GRB10: variants seen among roughly 807,000 people sequenced by gnomAD.
The protein encoded by GRB10 is growth factor receptor-bound protein 10.
A neutral mutation model predicts 80.9 loss-of-function variants in GRB10; 20 were observed. The observed-to-expected ratio is 0.25, with a 90% CI of 0.17 to 0.36. GRB10 has a LOEUF of 0.36. Among genes scored for constraint, GRB10 ranks in the 10% least tolerant of loss-of-function variants. The pLI is 1.00. For synonymous variants in GRB10, 291 were observed against 291.5 expected, an observed-to-expected ratio of 1.00 and a Z score of 0.02; for missense variants, 548 against 747.7, an observed-to-expected ratio of 0.73 and a Z score of 3.12.
intron 5 of GRB10, among the ~76,000 whole-genome samples, chr7:50,678,520 G>T (rs973223205): frequency 1.4e-4 from 21 of 149,594 alleles, no homozygotes; most frequent in African/African-American, 4.8e-4. Context: ...GGGTTCATTA[G>T]CATTTTATCT....
At chr7:50,595,126 A>T (rs1278548332) in intron 18 of GRB10, among the ~76,000 whole-genome samples, 2 of 151,898 alleles carry the variant, frequency 1.3e-5, no homozygotes, top group Non-Finnish European at 2.9e-5. Flanking sequence ...GTGGGCCCTC[A>T]GCTAATTCTC....
At chr7:50,626,737 C>T in intron 8 of GRB10, 85 bp downstream of exon 8, 1 of 1,499,096 alleles carries the variant, frequency 6.7e-7, no homozygotes, top group Non-Finnish European at 9.3e-7. Context: ...ACTGCGGTCA[C>T]ACATTTGGCA....
At chr7:50,705,196 T>C in intron 4 of GRB10, 2 of 985,702 alleles carry the variant, frequency 2.0e-6, no homozygotes, top group Non-Finnish European at 1.2e-6. Context: ...CCACTCACAA[T>C]GGGGGGAAGC....
intron 5 of GRB10, among the ~76,000 whole-genome samples, chr7:50,685,642 G>C (rs2062027299): frequency 1.3e-5 from 2 of 152,168 alleles, no homozygotes; most frequent in Admixed American, 6.5e-5. Context: ...CCAGAGGCCA[G>C]AAATTCTCCT....
intron 3 of GRB10, among the ~76,000 whole-genome samples, chr7:50,741,291 A>G (rs934819584): frequency 3.3e-5 from 5 of 152,240 alleles, no homozygotes; most frequent in Admixed American, 3.3e-4. Context: ...AAATATTTAT[A>G]AACATTTGCA....
Position 50,782,335 on chromosome 7 carries a change from C to A in GRB10, c.-327+89G>T. On this transcript the variant is annotated intron_variant, in intron 1 of 18. Coordinates refer to ENST00000401949, the MANE Select transcript of GRB10 (RefSeq NM_001350814.2). The surrounding 1 kb of genome is among the most constrained non-coding windows in gnomAD (Gnocchi z 6.6). Reference sequence around the variant, plus strand: ...CCGCCGCGGCCGGGGCCTCTGCAGCCTGCGCAGGCCGATCCGCCCGCCGCC... The same window carrying A: ...CCGCCGCGGCCGGGGCCTCTGCAGCATGCGCAGGCCGATCCGCCCGCCGCC... 1 of 149,262 alleles carries A rather than the reference C, an allele frequency of 6.7e-6. No individual in the cohort carries two copies. Among genetic ancestry groups the A allele is most frequent in the South Asian group, 2.0e-4 (1 of 4,896 alleles). 9.2% of individuals were successfully genotyped at this position (149,262 alleles called of 1,614,324 possible). A position where few individuals can be genotyped will look rare whatever the true frequency, so the allele number is the denominator to read the frequency against.
intron 4 of GRB10, among the ~76,000 whole-genome samples, chr7:50,716,263 C>A (rs115095217): frequency 6.6e-6 from 1 of 152,110 alleles, no homozygotes; most frequent in Non-Finnish European, 1.5e-5. Flanking sequence ...GCAAATTAGC[C>A]CCAAACTAAA....
At chr7:50,696,438 G>A (rs1226352107) in intron 5 of GRB10, among the ~76,000 whole-genome samples, 1 of 152,180 alleles carries the variant, frequency 6.6e-6, no homozygotes, top group Non-Finnish European at 1.5e-5. Flanking sequence ...CTGAGGCTCA[G>A]TACACAAGAC....
intron 7 of GRB10, among the ~76,000 whole-genome samples, chr7:50,666,880 A>C (rs538492390): frequency 2.6e-5 from 4 of 152,074 alleles, no homozygotes; most frequent in Non-Finnish European, 5.9e-5. Context: ...CTCTACTAAA[A>C]ATACAAAAAA....
chr7:50,693,643 A>C (rs1032387454), intron 5 of GRB10, among the ~76,000 whole-genome samples: 1 of 152,110 alleles, frequency 6.6e-6, no homozygotes, highest in African/African-American at 2.4e-5. Context: ...AATCAAGGAA[A>C]ATGTTTTGAT....
chr7:50,674,595 G>T lies in GRB10; in HGVS notation c.203C>A (p.Ser68Ter), dbSNP rs780776923. The change falls in exon 6 of 19, where the codon TCG becomes TAG. Residue 68 changes from serine to a stop codon, truncating the protein, a stop_gained. Transcript: ENST00000401949. LOFTEE classifies it high-confidence loss of function. ...CGTGTCTGACTGCATGCTGCAGGCCGAGTACAGGCTCTCCAGGGATGCATT... is the reference window on the plus strand; with the variant it reads ...CGTGTCTGACTGCATGCTGCAGGCCTAGTACAGGCTCTCCAGGGATGCATT... ...DMNASLESLYSACSMQSDTVP... is the reference protein window; with the variant it reads ...DMNASLESLY 1.9e-6 allele frequency: 3 copies of T among 1,613,618 alleles called. No individual in the cohort carries two copies. Among genetic ancestry groups the T allele is most frequent in the African/African-American group, 1.3e-5 (1 of 75,052 alleles).
chr7:50,595,213 A>AG (rs1280364963), intron 18 of GRB10, among the ~76,000 whole-genome samples: 2 of 152,152 alleles, frequency 1.3e-5, no homozygotes, highest in African/African-American at 2.4e-5. Context: ...CACAGGCTCA[A>AG]GGGGGGCCTC....
At chr7:50,781,720 T>G (rs1398093233) in intron 1 of GRB10, among the ~76,000 whole-genome samples, 3 of 152,198 alleles carry the variant, frequency 2.0e-5, no homozygotes, top group Admixed American at 2.0e-4. Context: ...GCGACTGGCG[T>G]GTGGAACAGG....
chr7:50,689,021 C>T (rs2062451409), intron 5 of GRB10, among the ~76,000 whole-genome samples: 1 of 152,150 alleles, frequency 6.6e-6, no homozygotes, highest in African/African-American at 2.4e-5. Context: ...AGGAAGAGTC[C>T]AACCAGACAA....
chr7:50,656,644 G>C (rs1274446434), intron 7 of GRB10, among the ~76,000 whole-genome samples: 1 of 152,148 alleles, frequency 6.6e-6, no homozygotes, highest in Non-Finnish European at 1.5e-5. Flanking sequence ...TGACCACCTG[G>C]GACACAGAGT....
chr7:50,684,387 T>A (rs778210832), intron 5 of GRB10, among the ~76,000 whole-genome samples: 3 of 146,958 alleles, frequency 2.0e-5, no homozygotes, highest in Admixed American at 7.0e-5. Flanking sequence ...TTAAAAAAAA[T>A]AAGGAAAGCA....
chr7:50,736,835 G>T (rs2070874498), intron 3 of GRB10, among the ~76,000 whole-genome samples: 2 of 152,172 alleles, frequency 1.3e-5, no homozygotes, highest in African/African-American at 4.8e-5. Context: ...CTGGACATCA[G>T]CATGCAACAA....
chr7:50,738,040 G>A (rs892440418), intron 3 of GRB10, among the ~76,000 whole-genome samples: 4 of 152,170 alleles, frequency 2.6e-5, no homozygotes, highest in Non-Finnish European at 5.9e-5. Context: ...CTAGTCGTTA[G>A]GGAAATGCAA....
chr7:50,685,258 G>A (rs143256772), intron 5 of GRB10, among the ~76,000 whole-genome samples: 45 of 152,292 alleles, frequency 3.0e-4, no homozygotes, highest in African/African-American at 9.6e-4. Context: ...CTGCCACCTC[G>A]ATGCAGTGAC....
Sources: gnomAD v4.1 joint callset for allele counts (sites outside exome capture counted in the v4.1 genomes callset) on GRCh38, gnomAD v4.1.1 for gene constraint, Gnocchi (gnomAD v3.1) non-coding constraint, MANE v1.5 for transcripts, NCBI Gene and HGNC (gene_info 2026-07-23, HGNC 2026-07-21) for gene names.